CEP112: variants seen among roughly 807,000 people sequenced by gnomAD.
CEP112 encodes the protein centrosomal protein 112.
Under a neutral mutation model 153.0 loss-of-function variants are expected in CEP112, and 127 were observed. The ratio of observed to expected loss-of-function variants is 0.83; its 90% CI spans 0.72 to 0.96. CEP112 has a LOEUF of 0.96. Ranked by LOEUF, CEP112 falls within the 40% of genes least tolerant of loss-of-function variation. CEP112 has a pLI of 0.00. For synonymous variants in CEP112, 358 were observed against 374.4 expected (o/e 0.96, Z 0.51); for missense variants, 1,089 against 1,101.2 (o/e 0.99, Z 0.16).
At chr17:66,032,331 C>T (rs1028160755) in intron 12 of CEP112, among the ~76,000 whole-genome samples, 4 of 139,792 alleles carry the variant, frequency 2.9e-5, no homozygotes, top group Non-Finnish European at 6.1e-5. Context: ...ATTCACAGGG[C>T]AGGAAGCCAA....
intron 16 of CEP112, among the ~76,000 whole-genome samples, chr17:66,026,390 T>C (rs891539015): frequency 6.6e-6 from 1 of 152,148 alleles, no homozygotes. Context: ...TCAGTTGAAA[T>C]AGTACTATAA....
chr17:66,052,354 G>A (rs936301638), intron 12 of CEP112, among the ~76,000 whole-genome samples: 5 of 152,148 alleles, frequency 3.3e-5, no homozygotes, highest in African/African-American at 9.7e-5. Flanking sequence ...AGACTGATGC[G>A]ATGCACTGAA....
rs540700076 is a variant in CEP112, at chr17:66,005,806, C to T, written c.1657-37G>A. On this transcript the variant is annotated intron_variant, in intron 16 of 26. Coordinates refer to ENST00000535342, the MANE Select transcript of CEP112 (RefSeq NM_001199165.4). The stretch of plus-strand genomic sequence containing the variant: ...AGAACATGGAAAATTTATTGGAAGA[C>T]GAGTAAAGTTTACTTCAAAGAGACA... The T allele has an allele frequency of 1.4e-4, 219 of 1,563,390 alleles. 1 individual carries two copies. Among genetic ancestry groups the T allele is most frequent in the Non-Finnish European group, 6.5e-5 (75 of 1,153,868 alleles).
At chr17:65,681,944 C>T (rs1026095501) in intron 24 of CEP112, among the ~76,000 whole-genome samples, 19 of 151,834 alleles carry the variant, frequency 1.3e-4, no homozygotes, top group East Asian at 3.9e-4. Context: ...CCTCCCAAAG[C>T]GCTGGGATTA....
intron 24 of CEP112, among the ~76,000 whole-genome samples, chr17:65,653,781 G>T (rs2045909114): frequency 6.6e-6 from 1 of 151,986 alleles, no homozygotes; most frequent in South Asian, 2.1e-4. Context: ...AAGAATGAGG[G>T]CTGGGCACGT....
intron 24 of CEP112, among the ~76,000 whole-genome samples, chr17:65,687,073 GT>G (rs2047834272): frequency 6.6e-6 from 1 of 151,224 alleles, no homozygotes; most frequent in Non-Finnish European, 1.5e-5. Flanking sequence ...CATGGTTATT[GT>G]GAAAATTAAA....
intron 17 of CEP112, among the ~76,000 whole-genome samples, chr17:65,976,312 G>A (rs1440950519): frequency 6.6e-6 from 1 of 152,176 alleles, no homozygotes; most frequent in Non-Finnish European, 1.5e-5. Context: ...CTTCCTGAAT[G>A]TGTTCTAAAT....
intron 20 of CEP112, among the ~76,000 whole-genome samples, chr17:65,867,869 CA>C (rs1284480410): frequency 6.6e-6 from 1 of 151,932 alleles, no homozygotes; most frequent in Non-Finnish European, 1.5e-5. Flanking sequence ...TTAGTGTCTG[CA>C]GCGGCCAACT....
At chr17:65,878,985 A>T (rs1018064232) in intron 20 of CEP112, among the ~76,000 whole-genome samples, 5 of 152,204 alleles carry the variant, frequency 3.3e-5, no homozygotes, top group Non-Finnish European at 5.9e-5. Flanking sequence ...CTCACTCTAA[A>T]TTCCCACTCA....
chr17:66,014,598 G>C (rs542673080), intron 16 of CEP112, among the ~76,000 whole-genome samples: 1 of 152,250 alleles, frequency 6.6e-6, no homozygotes, highest in East Asian at 1.9e-4. Flanking sequence ...CTCTCTGCCA[G>C]CTCAAGTGTG....
chr17:66,142,246 T>C (rs2070733559), intron 4 of CEP112, among the ~76,000 whole-genome samples: 1 of 152,192 alleles, frequency 6.6e-6, no homozygotes, highest in South Asian at 2.1e-4. Flanking sequence ...TTTATATAGA[T>C]TGAATATTAA....
At chr17:65,660,302 TTC>T (rs200290593) in intron 24 of CEP112, among the ~76,000 whole-genome samples, 1,565 of 138,084 alleles carry the variant, frequency 0.011, 118 homozygotes, top group Admixed American at 0.088. Context: ...TCCTTCTCTT[TTC>T]TCTCTTTCTT....
intron 24 of CEP112, among the ~76,000 whole-genome samples, chr17:65,661,454 G>A (rs2046381989): frequency 6.6e-6 from 1 of 152,072 alleles, no homozygotes; most frequent in South Asian, 2.1e-4. Context: ...GAAGAAATAG[G>A]CTTATCCATA....
chr17:65,650,816 G>C (rs910129540), intron 24 of CEP112, among the ~76,000 whole-genome samples: 1 of 151,756 alleles, frequency 6.6e-6, no homozygotes, highest in African/African-American at 2.4e-5. Flanking sequence ...GCTGACGCAG[G>C]AGAATCGCTT....
intron 12 of CEP112, chr17:66,043,108 T>G (rs1006353122): frequency 3.1e-6 from 3 of 978,876 alleles, no homozygotes; most frequent in Non-Finnish European, 3.6e-6. Context: ...TAACCTACCA[T>G]AGAGGATCAT....
chr17:66,057,989 A>G (rs1321280874), intron 11 of CEP112, among the ~76,000 whole-genome samples: 1 of 151,944 alleles, frequency 6.6e-6, no homozygotes, highest in East Asian at 1.9e-4. Context: ...GCTACTTGGG[A>G]GGCTGAGGCA....
At chr17:66,075,029 C>T (rs539886613) in intron 8 of CEP112, among the ~76,000 whole-genome samples, 66 of 152,160 alleles carry the variant, frequency 4.3e-4, no homozygotes, top group African/African-American at 1.5e-3. Flanking sequence ...TGACTTAACT[C>T]ATCACCAGTA....
intron 18 of CEP112, among the ~76,000 whole-genome samples, chr17:65,956,474 T>A (rs1003510786): frequency 6.6e-6 from 1 of 150,690 alleles, no homozygotes; most frequent in African/African-American, 2.4e-5. Context: ...AACAAAATAA[T>A]GGCATTCACA....
At chr17:66,181,548 G>A (rs991649949) in intron 2 of CEP112, among the ~76,000 whole-genome samples, 4 of 151,950 alleles carry the variant, frequency 2.6e-5, no homozygotes, top group Non-Finnish European at 4.4e-5. Context: ...GTAGAGTCGG[G>A]CTTTCACCAT....
Sources: allele counts gnomAD v4.1 joint callset (sites outside exome capture counted in the v4.1 genomes callset), GRCh38; gene constraint gnomAD v4.1.1; transcripts MANE v1.5; gene names NCBI Gene and HGNC (gene_info 2026-07-23, HGNC 2026-07-21).